Variants in SGPP2 observed in about 807,000 individuals in gnomAD.
SGPP2 encodes the protein sphingosine 1-phosphate phosphohydrolase 2.
SGPP2 carries 30 observed loss-of-function variants against 33.9 expected under a neutral mutation model. The ratio of observed to expected loss-of-function variants is 0.89; its 90% CI spans 0.66 to 1.20. SGPP2 has a LOEUF of 1.20. Among genes scored for constraint, SGPP2 ranks in the 50% most tolerant of loss-of-function variants. The probability of loss-of-function intolerance (pLI) is 0.00; values close to 1 mark genes in which losing one functional copy is unlikely to be tolerated. For synonymous variants in SGPP2, 233 were observed against 225.0 expected, an observed-to-expected ratio of 1.04 and a Z score of -0.32; for missense variants, 458 against 532.1, an observed-to-expected ratio of 0.86 and a Z score of 1.37.
In SGPP2 at chr2:222,540,817, G is replaced by GTTT. The variant is rs750932260; in HGVS notation, c.648+15801_648+15803dup. Among the ~76,000 whole-genome samples the GTTT allele has an allele frequency of 8.2e-3, 887 of 108,402 alleles. 39 individuals are homozygous for GTTT. The highest frequency in any genetic ancestry group is 0.019 in the South Asian group (56 of 2,966). 71.1% of individuals were successfully genotyped at this position (108,402 alleles called of 152,430 possible). ...CATAATTTTGTTTAGCTTATAAACT[G>GTTT]TTTTTTTTTTTTTTTTTTTGGAGAC... On this transcript the variant is annotated intron_variant, in intron 4 of 4. Coordinates refer to ENST00000321276, the MANE Select transcript of SGPP2 (RefSeq NM_152386.4).
intron 1 of SGPP2, among the ~76,000 whole-genome samples, chr2:222,461,299 G>C (rs1474739913): frequency 6.6e-6 from 1 of 152,116 alleles, no homozygotes; most frequent in Non-Finnish European, 1.5e-5. Context: ...TATAAGTTCA[G>C]ACTTCCCCAG....
At chr2:222,474,504 C>A (rs1275654025) in intron 1 of SGPP2, 64 bp from the exon 2 acceptor site, 11 of 1,486,316 alleles carry the variant, frequency 7.4e-6, no homozygotes, top group South Asian at 1.2e-5. Context: ...GAGTTTTAGA[C>A]AGAGATGTTT....
chr2:222,486,802 G>A lies in SGPP2; in HGVS notation c.378+12076G>A, dbSNP rs147994863. On this transcript the variant is annotated intron_variant, in intron 2 of 4. Transcript: ENST00000321276. Reference sequence around the variant, plus strand: ...TCCTGGCTATGAACTTCTGTACTCTGCTCTAACCTTTTCCCTTAATTATGG... The same window carrying A: ...TCCTGGCTATGAACTTCTGTACTCTACTCTAACCTTTTCCCTTAATTATGG... Among the ~76,000 whole-genome samples the A allele has an allele frequency of 3.3e-3, 501 of 152,144 alleles. 7 individuals are homozygous for A. Among genetic ancestry groups the A allele is most frequent in the South Asian group, 0.029 (139 of 4,816 alleles).
chr2:222,424,898 C>A (rs1008257534), intron 1 of SGPP2, 77 bp downstream of exon 1: 12 of 1,155,002 alleles, frequency 1.0e-5, no homozygotes, highest in Non-Finnish European at 1.3e-5. Flanking sequence ...CTCCGCCACG[C>A]GGGGCCGGCC....
Position 222,539,712 on chromosome 2 carries a change from T to A in SGPP2, c.648+14679T>A, listed in dbSNP as rs139092286. Among the ~76,000 whole-genome samples, 533 of 152,352 alleles carry A rather than the reference T, an allele frequency of 3.5e-3. 1 individual carries two copies. The highest frequency in any genetic ancestry group is 0.012 in the African/African-American group (506 of 41,568). ...AGGAGGAAGATGGCTTCAACCTCCA[T>A]GCCACCTTCTAGATTCTGCAAGAAG... On this transcript the variant is annotated intron_variant, in intron 4 of 4. Coordinates refer to ENST00000321276, the MANE Select transcript of SGPP2 (RefSeq NM_152386.4).
chr2:222,459,908 G>A (rs950540032), intron 1 of SGPP2, among the ~76,000 whole-genome samples: 1 of 152,152 alleles, frequency 6.6e-6, no homozygotes, highest in Non-Finnish European at 1.5e-5. Flanking sequence ...CAGGGTCATT[G>A]GTTCTGGTCA....
intron 1 of SGPP2, among the ~76,000 whole-genome samples, chr2:222,443,084 T>C (rs566120771): frequency 1.3e-5 from 2 of 152,226 alleles, no homozygotes; most frequent in Admixed American, 6.5e-5. Context: ...TAAAAAACTG[T>C]GACAATCTTA....
At chr2:222,424,215 G>T (rs971076539), upstream of SGPP2, among the ~76,000 whole-genome samples, 2 of 148,744 alleles carry the variant, frequency 1.3e-5, no homozygotes, top group African/African-American at 2.5e-5. Flanking sequence ...GGCCGCAGGT[G>T]CACGCGCGCT....
chr2:222,434,973 TATACACACACACACAC>T (rs1418353382), intron 1 of SGPP2, among the ~76,000 whole-genome samples: 1 of 17,902 alleles, frequency 5.6e-5, no homozygotes, highest in Non-Finnish European at 1.2e-4. Context: ...AATGGAGATA[TATACACACACACACAC>T]ACACACACAC....
chr2:222,516,984 A>C (rs976163215), intron 2 of SGPP2, among the ~76,000 whole-genome samples: 18 of 152,214 alleles, frequency 1.2e-4, no homozygotes, highest in African/African-American at 4.3e-4. Flanking sequence ...GATGTGTAGC[A>C]GTGTGCCTCA....
intron 1 of SGPP2, among the ~76,000 whole-genome samples, chr2:222,429,385 C>G (rs1697118961): frequency 6.6e-6 from 1 of 152,228 alleles, no homozygotes; most frequent in Admixed American, 6.5e-5. Flanking sequence ...GCCAACAGAT[C>G]AGACTGCAAG....
At chr2:222,501,140 C>G (rs1245230173) in intron 2 of SGPP2, among the ~76,000 whole-genome samples, 1 of 152,134 alleles carries the variant, frequency 6.6e-6, no homozygotes, top group Non-Finnish European at 1.5e-5. Context: ...AACAAGTGCA[C>G]AAGTGTGTTA....
chr2:222,556,260 G>A (rs1689397580), intron 4 of SGPP2, among the ~76,000 whole-genome samples: 1 of 152,114 alleles, frequency 6.6e-6, no homozygotes, highest in African/African-American at 2.4e-5. Context: ...CCAAAATTAA[G>A]GCAATATCAG....
At chr2:222,485,552 T>C (rs1698093681) in intron 2 of SGPP2, among the ~76,000 whole-genome samples, 1 of 152,144 alleles carries the variant, frequency 6.6e-6, no homozygotes, top group African/African-American at 2.4e-5. Context: ...TACTTCCTTA[T>C]CCTATTCTGT....
At chr2:222,440,952 G>A (rs995210874) in intron 1 of SGPP2, among the ~76,000 whole-genome samples, 1 of 152,220 alleles carries the variant, frequency 6.6e-6, no homozygotes, top group Non-Finnish European at 1.5e-5. Context: ...CCTGCTGCAT[G>A]ACTCTAGCTG....
At chr2:222,549,002 T>C (rs561583623) in intron 4 of SGPP2, among the ~76,000 whole-genome samples, 1 of 152,370 alleles carries the variant, frequency 6.6e-6, no homozygotes, top group Non-Finnish European at 1.5e-5. Context: ...TTTGTTTTAA[T>C]GTCAGTGTCT....
At chr2:222,513,554 C>T (rs1698561139) in intron 2 of SGPP2, among the ~76,000 whole-genome samples, 1 of 152,120 alleles carries the variant, frequency 6.6e-6, no homozygotes, top group Non-Finnish European at 1.5e-5. Flanking sequence ...AATCTGTGAA[C>T]ATTGCTGTTT....
chr2:222,446,634 T>C (rs1697403963), intron 1 of SGPP2, among the ~76,000 whole-genome samples: 1 of 152,262 alleles, frequency 6.6e-6, no homozygotes, highest in Admixed American at 6.5e-5. Context: ...TTTCATTGGC[T>C]GTTCATTATT....
chr2:222,492,862 G>A (rs1161982416), intron 2 of SGPP2, among the ~76,000 whole-genome samples: 1 of 152,194 alleles, frequency 6.6e-6, no homozygotes, highest in Non-Finnish European at 1.5e-5. Context: ...AATGCCAGCA[G>A]TCTCTTTGTT....
Sources: allele counts gnomAD v4.1 joint callset (sites outside exome capture counted in the v4.1 genomes callset), GRCh38; gene constraint gnomAD v4.1.1; transcripts MANE v1.5; gene names NCBI Gene and HGNC (gene_info 2026-07-23, HGNC 2026-07-21).